The following RAPGEF1 variants were observed in gnomAD, a reference collection of about 807,000 sequenced individuals.
RAPGEF1 encodes Rap guanine nucleotide exchange factor 1, also known as CRK SH3-binding GNRP.
RAPGEF1 carries 33 observed loss-of-function variants against 143.3 expected under a neutral mutation model. The observed-to-expected ratio is 0.23, with a 90% CI of 0.17 to 0.31. The LOEUF is 0.31. Ranked by LOEUF, RAPGEF1 falls within the 10% of genes least tolerant of loss-of-function variation. The pLI is 1.00. For synonymous variants in RAPGEF1, 629 were observed against 676.5 expected (o/e 0.93, Z 1.09); for missense variants, 1,199 against 1,645.4 (o/e 0.73, Z 4.69).
At chr9:131,646,427 C>A (rs1008900626) in intron 3 of RAPGEF1, among the ~76,000 whole-genome samples, 1 of 152,200 alleles carries the variant, frequency 6.6e-6, no homozygotes, top group African/African-American at 2.4e-5. Flanking sequence ...AACTAAGACC[C>A]CGATGGCAGA....
At chr9:131,685,350 G>T (rs1833254486) in intron 1 of RAPGEF1, among the ~76,000 whole-genome samples, 1 of 152,188 alleles carries the variant, frequency 6.6e-6, no homozygotes, top group Admixed American at 6.5e-5. Flanking sequence ...CCCCAAAACT[G>T]GCCATAAACA....
rs776883583 is a variant in RAPGEF1, at chr9:131,626,055, G to A, written c.1569C>T (p.Pro523=). 5 of 1,613,648 alleles carry A rather than the reference G, an allele frequency of 3.1e-6. No individual in the cohort carries two copies. The highest frequency in any genetic ancestry group is 4.2e-6 in the Non-Finnish European group (5 of 1,179,562). The stretch of plus-strand genomic sequence containing the variant: ...GCTGAAAGGGCAGAATAGCAGCAAA[G>A]GGCGCGTAGGGGACGGATGGGATCG... ...TAPIPSVPYA[P]FAAILPFQHG... is the part of the protein sequence containing the mutation. The change falls in exon 10 of 27, where the codon CCC becomes CCT. Residue 523 remains proline (P), a synonymous_variant. Transcript: ENST00000683357.
chr9:131,605,712 C>G (rs1026291363), intron 12 of RAPGEF1, among the ~76,000 whole-genome samples: 1 of 151,910 alleles, frequency 6.6e-6, no homozygotes, highest in South Asian at 2.1e-4. Flanking sequence ...GAAATGCTAA[C>G]GATGTCTGAG....
At chr9:131,679,166 A>G (rs1832701077) in intron 1 of RAPGEF1, among the ~76,000 whole-genome samples, 1 of 142,378 alleles carries the variant, frequency 7.0e-6, no homozygotes, top group Admixed American at 7.0e-5. Context: ...TTATGTGACA[A>G]GGGGGGGGCC....
intron 1 of RAPGEF1, chr9:131,725,026 G>A (rs773426814): frequency 6.6e-6 from 1 of 152,254 alleles, no homozygotes; most frequent in Admixed American, 6.5e-5. Context: ...TGTGCTACCT[G>A]TTCAGCTATC....
chr9:131,629,452 C>A (rs1964252343), intron 6 of RAPGEF1, among the ~76,000 whole-genome samples, 198 bp from the exon 7 acceptor site: 1 of 152,136 alleles, frequency 6.6e-6, no homozygotes, highest in Non-Finnish European at 1.5e-5. Context: ...GTGCCCCCAA[C>A]TTTGCACCTC....
intron 3 of RAPGEF1, 38 bp from the exon 4 acceptor site, chr9:131,643,455 A>T (rs1968628577): frequency 3.2e-6 from 5 of 1,557,016 alleles, no homozygotes; most frequent in Non-Finnish European, 8.7e-7. Context: ...GAGGAGAGAG[A>T]TTAAAGGGAG....
chr9:131,714,305 G>A (rs1835707278), intron 1 of RAPGEF1, among the ~76,000 whole-genome samples: 2 of 152,084 alleles, frequency 1.3e-5, no homozygotes, highest in African/African-American at 4.8e-5. Context: ...GATCCTGCAA[G>A]GCGGTGCTCA....
At chr9:131,699,747 G>A (rs546086294) in intron 1 of RAPGEF1, among the ~76,000 whole-genome samples, 6 of 152,078 alleles carry the variant, frequency 3.9e-5, no homozygotes, top group African/African-American at 7.2e-5. Context: ...AAGGTCTTTC[G>A]AGGTTTCTGC....
At chr9:131,660,688 A>G (rs1413617617) in intron 1 of RAPGEF1, among the ~76,000 whole-genome samples, 1 of 152,214 alleles carries the variant, frequency 6.6e-6, no homozygotes, top group East Asian at 1.9e-4. Context: ...TGGATGCGAC[A>G]TAGTCAAACT....
At chr9:131,615,374 G>A (rs1182717963) in intron 12 of RAPGEF1, among the ~76,000 whole-genome samples, 6 of 152,238 alleles carry the variant, frequency 3.9e-5, no homozygotes, top group East Asian at 1.9e-4. Flanking sequence ...GCACCCAGCC[G>A]GAGGAAGGTG....
At chr9:131,696,664 CTCA>C (rs1225644690) in intron 1 of RAPGEF1, among the ~76,000 whole-genome samples, 1 of 152,216 alleles carries the variant, frequency 6.6e-6, no homozygotes, top group African/African-American at 2.4e-5. Flanking sequence ...AAATGAACAG[CTCA>C]TCATAACCTG....
chr9:131,650,028 T>C lies in RAPGEF1; in HGVS notation c.315+101A>G. 3.2e-6 allele frequency: 3 copies of C among 937,636 alleles called. No individual in the cohort carries two copies. In the Admixed American group the frequency reaches 7.5e-5, roughly 23 times the overall value. 58.1% of individuals were successfully genotyped at this position (937,636 alleles called of 1,614,324 possible). On this transcript the variant is annotated intron_variant, in intron 3 of 26. Coordinates refer to ENST00000683357, the MANE Select transcript of RAPGEF1 (RefSeq NM_001377935.1). The surrounding 1 kb of genome is among the most constrained non-coding windows in gnomAD (Gnocchi z 4.7). ...CCCACGGTCACCACCCAGTTGAACA[T>C]AATAATAGTGCAATAGAGTTTTTTC...
intron 1 of RAPGEF1, among the ~76,000 whole-genome samples, chr9:131,722,146 T>C (rs1389441932): frequency 1.3e-5 from 2 of 151,906 alleles, no homozygotes; most frequent in Non-Finnish European, 1.5e-5. Context: ...ATCACCCAGA[T>C]TCATAGAGAG....
chr9:131,737,541 C>G (rs1477871224), intron 1 of RAPGEF1: 6 of 1,608,000 alleles, frequency 3.7e-6, no homozygotes, highest in Non-Finnish European at 5.1e-6. Flanking sequence ...AGAAAAGGCC[C>G]AAGGACAAAC....
chr9:131,714,861 C>T (rs940780022), intron 1 of RAPGEF1, among the ~76,000 whole-genome samples: 8 of 152,230 alleles, frequency 5.3e-5, no homozygotes, highest in African/African-American at 1.9e-4. Context: ...GCACTTGCCA[C>T]CATGCCTGGT....
Position 131,602,380 on chromosome 9 carries a change from G to A in RAPGEF1, c.2413-231C>T, listed in dbSNP as rs117452070. The stretch of plus-strand genomic sequence containing the variant: ...GTGCCACTATTTGTCTCATCTGTAA[G>A]CTGCCAACCTAGGCAAAGCCACCTC... On this transcript the variant is annotated intron_variant, in intron 14 of 26. Coordinates refer to ENST00000683357, the MANE Select transcript of RAPGEF1 (RefSeq NM_001377935.1). 5.7e-3 allele frequency among the ~76,000 whole-genome samples: 868 copies of A among 152,336 alleles called. 8 individuals carry two copies. Among genetic ancestry groups the A allele is most frequent in the South Asian group, 9.5e-3 (46 of 4,830 alleles).
intron 1 of RAPGEF1, among the ~76,000 whole-genome samples, chr9:131,668,156 C>T (rs957922568): frequency 1.2e-4 from 19 of 152,128 alleles, no homozygotes; most frequent in African/African-American, 4.1e-4. Context: ...TCCAGGGAGC[C>T]CCTCCCTTAC....
intron 1 of RAPGEF1, among the ~76,000 whole-genome samples, chr9:131,698,723 C>G (rs1016791999): frequency 6.6e-6 from 1 of 152,182 alleles, no homozygotes; most frequent in African/African-American, 2.4e-5. Context: ...GGCTGCCCCC[C>G]TTCCCCGACC....
Sources: gnomAD v4.1 joint callset for allele counts (sites outside exome capture counted in the v4.1 genomes callset) on GRCh38, gnomAD v4.1.1 for gene constraint, Gnocchi (gnomAD v3.1) non-coding constraint, MANE v1.5 for transcripts, NCBI Gene and HGNC (gene_info 2026-07-23, HGNC 2026-07-21) for gene names.